The following PCDHGB4 variants were observed in gnomAD, a reference collection of about 807,000 sequenced individuals.
PCDHGB4 encodes the protein protocadherin gamma-B4.
Under a neutral mutation model 60.5 loss-of-function variants are expected in PCDHGB4, and 38 were observed. The observed-to-expected ratio is 0.63, with a 90% CI of 0.48 to 0.82. The LOEUF (loss-of-function observed/expected upper bound fraction) is 0.82. Among genes scored for constraint, PCDHGB4 ranks in the 40% least tolerant of loss-of-function variants. The pLI, the probability that PCDHGB4 is intolerant of heterozygous loss-of-function variation, is 0.00. For missense variants in PCDHGB4, 1,109 were observed against 1,209.6 expected (o/e 0.92, Z 1.23); for synonymous variants, 456 against 509.7 (o/e 0.89, Z 1.42).
chr5:141,491,955 A>T lies in PCDHGB4; in HGVS notation c.2398-2852A>T. Reference sequence around the variant, plus strand: ...GGGACCGACCCCCACCCCTACACTCAAAAAAGGCCGGGGCCTCCTTCGAGC... The same window carrying T: ...GGGACCGACCCCCACCCCTACACTCTAAAAAGGCCGGGGCCTCCTTCGAGC... On this transcript the variant is annotated intron_variant, in intron 1 of 3. Coordinates refer to ENST00000519479, the MANE Select transcript of PCDHGB4 (RefSeq NM_003736.4). This position sits in a 1 kb window ranked among gnomAD's most constrained non-coding sequence, Gnocchi z 6.9. 9.7e-7 allele frequency: 1 copy of T among 1,029,648 alleles called. No homozygotes were observed. The highest frequency in any genetic ancestry group is 2.2e-5 in the South Asian group (1 of 44,530). The allele number at this position is 1,029,648 out of a possible 1,614,324, so 63.8% of individuals were successfully genotyped here. A position where few individuals can be genotyped will look rare whatever the true frequency, so the allele number is the denominator to read the frequency against.
At chr5:141,399,806 A>G in intron 1 of PCDHGB4, 1 of 1,613,106 alleles carries the variant, frequency 6.2e-7, no homozygotes, top group Non-Finnish European at 8.5e-7. Context: ...CGGGTGCTGT[A>G]CCCCGCGCTG....
intron 1 of PCDHGB4, chr5:141,419,935 G>T: frequency 6.2e-7 from 1 of 1,614,070 alleles, no homozygotes; most frequent in Non-Finnish European, 8.5e-7. Flanking sequence ...AGTTTTACCT[G>T]GTGGTGGCCT....
intron 1 of PCDHGB4, chr5:141,430,990 GA>G (rs1185464233): frequency 1.2e-6 from 2 of 1,613,970 alleles, no homozygotes; most frequent in East Asian, 4.5e-5. Context: ...TTTTCGCCCT[GA>G]ATCCGCGCAG....
intron 1 of PCDHGB4, chr5:141,413,740 C>T (rs1274240064): frequency 5.6e-6 from 9 of 1,613,284 alleles, no homozygotes; most frequent in African/African-American, 1.3e-5. Flanking sequence ...AGTTCAGAGC[C>T]GTGCCAATGG....
chr5:141,490,010 T>C lies in PCDHGB4; in HGVS notation c.2398-4797T>C, dbSNP rs749356078. On this transcript the variant is annotated intron_variant, in intron 1 of 3. Coordinates refer to ENST00000519479, the MANE Select transcript of PCDHGB4 (RefSeq NM_003736.4). The surrounding 1 kb of genome is among the most constrained non-coding windows in gnomAD (Gnocchi z 5.4). ...GTGGGAATCCCAGAGAATGCACCCA[T>C]TGGTACTCTGCTGCTCCGCCTCAAT... 11 of 1,614,198 alleles carry C rather than the reference T, an allele frequency of 6.8e-6. No homozygotes were observed. The highest frequency in any genetic ancestry group is 2.2e-5 in the South Asian group (2 of 91,082).
At chr5:141,500,227 G>T (rs959087347) in intron 2 of PCDHGB4, among the ~76,000 whole-genome samples, 15 of 116,224 alleles carry the variant, frequency 1.3e-4, no homozygotes, top group African/African-American at 2.9e-4. Context: ...TTTATTTATT[G>T]ATACGTAGCC....
At chr5:141,456,404 G>A (rs935040352) in intron 1 of PCDHGB4, among the ~76,000 whole-genome samples, 4 of 152,104 alleles carry the variant, frequency 2.6e-5, no homozygotes, top group Non-Finnish European at 4.4e-5. Flanking sequence ...TTGCTTCTAG[G>A]CGAGAAGAAA....
chr5:141,396,814 G>C (rs573559857), intron 1 of PCDHGB4, among the ~76,000 whole-genome samples: 10 of 152,322 alleles, frequency 6.6e-5, no homozygotes, highest in African/African-American at 2.2e-4. Flanking sequence ...GTGTTCTACT[G>C]TATGGTGCAT....
At chr5:141,394,300 T>A (rs753637808) in intron 1 of PCDHGB4, 1 of 1,613,938 alleles carries the variant, frequency 6.2e-7, no homozygotes, top group Admixed American at 1.7e-5. Context: ...GAGGACACGC[T>A]GCAGGGGGCG....
chr5:141,410,317 C>T lies in PCDHGB4; in HGVS notation c.2397+20036C>T, dbSNP rs527641698. ...CCTTAATCTCAGTGCTCTTCCTCCT[C>T]GCCGTGATTCTGGCCATTGCCTTGC... On this transcript the variant is annotated intron_variant, in intron 1 of 3. Coordinates refer to ENST00000519479, the MANE Select transcript of PCDHGB4 (RefSeq NM_003736.4). The T allele has an allele frequency of 2.7e-5, 43 of 1,614,010 alleles. No individual in the cohort carries two copies. In the East Asian group the frequency reaches 8.0e-4, roughly 30 times the overall value.
chr5:141,436,240 G>T (rs192988618), intron 1 of PCDHGB4, among the ~76,000 whole-genome samples: 1 of 152,082 alleles, frequency 6.6e-6, no homozygotes. Context: ...AGCTAACATG[G>T]TCTAATTATT....
In PCDHGB4 at chr5:141,491,257, G is replaced by A. The variant is rs754721047; in HGVS notation, c.2398-3550G>A. 2 of 1,614,170 alleles carry A rather than the reference G, an allele frequency of 1.2e-6. No individual in the cohort carries two copies. The highest frequency in any genetic ancestry group is 3.3e-5 in the Admixed American group (2 of 60,020). On this transcript the variant is annotated intron_variant, in intron 1 of 3. Coordinates refer to ENST00000519479, the MANE Select transcript of PCDHGB4 (RefSeq NM_003736.4). This position sits in a 1 kb window ranked among gnomAD's most constrained non-coding sequence, Gnocchi z 6.9. ...GGTTCTGGAGGATGAGGACCCTGAG[G>A]AAATGCCCAAATCCAGTGACTTCCT... is the stretch of plus-strand genomic sequence containing the variant.
chr5:141,447,851 C>T (rs961725006), intron 1 of PCDHGB4, among the ~76,000 whole-genome samples: 1 of 151,980 alleles, frequency 6.6e-6, no homozygotes, highest in East Asian at 1.9e-4. Flanking sequence ...TTTGGGAGGC[C>T]GAGGTGGGTG....
At chr5:141,418,000 G>A (rs758811293) in intron 1 of PCDHGB4, 6 of 1,613,902 alleles carry the variant, frequency 3.7e-6, no homozygotes, top group Admixed American at 1.7e-5. Context: ...GCTCGGTGGT[G>A]GGGAACCTCG....
Position 141,432,928 on chromosome 5 carries a change from C to T in PCDHGB4, c.2397+42647C>T, listed in dbSNP as rs1443097611. ...GGCTGCGGCGCTGGCACAAGTCACG[C>T]CTGCTGCAGGCTTCAGGAGGCGGCT... On this transcript the variant is annotated intron_variant, in intron 1 of 3. Transcript: ENST00000519479. This position sits in a 1 kb window ranked among gnomAD's most constrained non-coding sequence, Gnocchi z 6.0. 1.2e-6 allele frequency: 2 copies of T among 1,614,066 alleles called. No homozygotes were observed. Among genetic ancestry groups the T allele is most frequent in the African/African-American group, 1.3e-5 (1 of 74,942 alleles).
rs771681529 is a variant in PCDHGB4 at position 141,486,617 on chromosome 5, C to T, written c.2398-8190C>T. The T allele has an allele frequency of 1.2e-6, 2 of 1,613,602 alleles. No individual in the cohort carries two copies. Among genetic ancestry groups the T allele is most frequent in the Non-Finnish European group, 1.7e-6 (2 of 1,180,036 alleles). On this transcript the variant is annotated intron_variant, in intron 1 of 3. Coordinates refer to ENST00000519479, the MANE Select transcript of PCDHGB4 (RefSeq NM_003736.4). The surrounding 1 kb of genome is among the most constrained non-coding windows in gnomAD (Gnocchi z 5.0). ...GCTTTGCTCCCTTGCAGCCTCTGAC[C>T]CAGACTCTGGCTTGAATGCGCTTAT...
intron 1 of PCDHGB4, chr5:141,441,530 A>T (rs2154559371): frequency 5.8e-6 from 1 of 172,118 alleles, no homozygotes; most frequent in Non-Finnish European, 1.2e-5. Flanking sequence ...GCCAAGAACA[A>T]TCTTCCCAAA....
intron 1 of PCDHGB4, among the ~76,000 whole-genome samples, chr5:141,430,380 T>C (rs1464446838): frequency 2.7e-5 from 4 of 147,890 alleles, no homozygotes; most frequent in Non-Finnish European, 4.5e-5. Flanking sequence ...AAAAGCTCAT[T>C]GGGAAAAAAA....
intron 1 of PCDHGB4, chr5:141,423,846 C>G: frequency 1.6e-6 from 2 of 1,278,968 alleles, no homozygotes; most frequent in Non-Finnish European, 2.0e-6. Flanking sequence ...GATAATCTTT[C>G]AGAACGTTTT....
Sources: allele counts gnomAD v4.1 joint callset (sites outside exome capture counted in the v4.1 genomes callset), GRCh38; gene constraint gnomAD v4.1.1; non-coding constraint Gnocchi (gnomAD v3.1); transcripts MANE v1.5; gene names NCBI Gene and HGNC (gene_info 2026-07-23, HGNC 2026-07-21).